Variants in KCNC2 observed in about 807,000 individuals in gnomAD.
KCNC2 encodes voltage-gated potassium channel KCNC2.
Under a neutral mutation model 44.5 loss-of-function variants are expected in KCNC2, and 21 were observed. The observed-to-expected ratio is 0.47, with a 90% CI of 0.33 to 0.68. The LOEUF is 0.68. Ranked by LOEUF, KCNC2 falls within the 30% of genes least tolerant of loss-of-function variation. The pLI is 0.01. For missense variants in KCNC2, 589 were observed against 826.2 expected, an observed-to-expected ratio of 0.71 and a Z score of 3.52; for synonymous variants, 391 against 339.1, an observed-to-expected ratio of 1.15 and a Z score of -1.68.
intron 2 of KCNC2, among the ~76,000 whole-genome samples, chr12:75,147,833 C>T (rs7967446): frequency 0.051 from 7,730 of 152,142 alleles, 573 homozygotes; most frequent in East Asian, 0.28. Flanking sequence ...ATCTAAGGTA[C>T]ACAACAGTTA....
At chr12:75,059,776 T>C (rs1216874445) in intron 2 of KCNC2, among the ~76,000 whole-genome samples, 1 of 152,126 alleles carries the variant, frequency 6.6e-6, no homozygotes, top group Non-Finnish European at 1.5e-5. Flanking sequence ...GCATTTACTA[T>C]GTAAATAAAT....
At chr12:75,088,706 C>A (rs1885228072) in intron 2 of KCNC2, among the ~76,000 whole-genome samples, 1 of 151,960 alleles carries the variant, frequency 6.6e-6, no homozygotes, top group Non-Finnish European at 1.5e-5. Flanking sequence ...CCTTACCATA[C>A]AAAAGTGATA....
At chr12:75,102,966 C>T (rs1348723052) in intron 2 of KCNC2, among the ~76,000 whole-genome samples, 4 of 151,972 alleles carry the variant, frequency 2.6e-5, no homozygotes, top group Admixed American at 2.0e-4. Context: ...CTAATACTTT[C>T]CTCAGAGCAG....
chr12:75,194,357 A>G (rs1398200316), intron 2 of KCNC2, among the ~76,000 whole-genome samples: 1 of 152,174 alleles, frequency 6.6e-6, no homozygotes, highest in African/African-American at 2.4e-5. Flanking sequence ...GCCAAGAAAC[A>G]CAAAGAAACT....
chr12:75,069,401 G>T, intron 2 of KCNC2, among the ~76,000 whole-genome samples: 1 of 151,918 alleles, frequency 6.6e-6, no homozygotes, highest in South Asian at 2.1e-4. Flanking sequence ...CTCCCAAAGT[G>T]CTGGGATTAC....
At chr12:75,146,092 C>T (rs1160530943) in intron 2 of KCNC2, among the ~76,000 whole-genome samples, 1 of 151,754 alleles carries the variant, frequency 6.6e-6, no homozygotes, top group Non-Finnish European at 1.5e-5. Flanking sequence ...GTAGCTGGGA[C>T]TACAGGTGCC....
At chr12:75,201,548 C>T (rs950895480) in intron 2 of KCNC2, among the ~76,000 whole-genome samples, 1 of 151,824 alleles carries the variant, frequency 6.6e-6, no homozygotes, top group Non-Finnish European at 1.5e-5. Flanking sequence ...CAAGTTCACA[C>T]AACTAGTGTT....
intron 2 of KCNC2, among the ~76,000 whole-genome samples, chr12:75,072,130 T>G (rs1433429539): frequency 6.6e-6 from 1 of 152,116 alleles, no homozygotes; most frequent in African/African-American, 2.4e-5. Flanking sequence ...GTTATGGAGC[T>G]AGATGTGAAG....
intron 2 of KCNC2, among the ~76,000 whole-genome samples, chr12:75,199,432 A>G (rs1480780371): frequency 6.6e-6 from 1 of 151,868 alleles, no homozygotes; most frequent in Non-Finnish European, 1.5e-5. Context: ...TGCAGTAATC[A>G]TGGAGTATTT....
intron 2 of KCNC2, among the ~76,000 whole-genome samples, chr12:75,113,215 T>C (rs1288647698): frequency 2.6e-5 from 4 of 152,158 alleles, no homozygotes; most frequent in Non-Finnish European, 5.9e-5. Context: ...GGGTCTATCA[T>C]TTGACAAATG....
At chr12:75,153,632 A>G (rs566253224) in intron 2 of KCNC2, among the ~76,000 whole-genome samples, 71 of 151,308 alleles carry the variant, frequency 4.7e-4, no homozygotes, top group African/African-American at 1.7e-3. Context: ...TAATAATAAT[A>G]ATTTTTAAAT....
intron 2 of KCNC2, among the ~76,000 whole-genome samples, chr12:75,162,610 T>C (rs1400973999): frequency 1.3e-5 from 2 of 151,736 alleles, no homozygotes; most frequent in African/African-American, 4.8e-5. Context: ...TTAAATCACA[T>C]GCAAATTTAA....
rs1255893142 is a variant in KCNC2, at chr12:75,201,293, AAAAAAC to A, written c.687+5998_687+6003del. ...AAAAAAAAAAAAAAAAAAAAAAAAA[AAAAAAC>A]CAGATTCTGGTTTACTTTATTAGTG... On this transcript the variant is annotated intron_variant, in intron 2 of 4. Coordinates refer to ENST00000549446, the MANE Select transcript of KCNC2 (RefSeq NM_139137.4). Among the ~76,000 whole-genome samples, 52 of 63,084 alleles carry A rather than the reference AAAAAAC, an allele frequency of 8.2e-4. 6 individuals carry two copies. Among genetic ancestry groups the A allele is most frequent in the East Asian group, 3.0e-3 (8 of 2,628 alleles). The allele number at this position is 63,084 out of a possible 152,430, so 41.4% of individuals were successfully genotyped here.
At chr12:75,178,082 C>T (rs1892317101) in intron 2 of KCNC2, among the ~76,000 whole-genome samples, 1 of 151,990 alleles carries the variant, frequency 6.6e-6, no homozygotes, top group African/African-American at 2.4e-5. Flanking sequence ...GGTTAATCCT[C>T]TCAACTTGCA....
At position 75,059,546 on chromosome 12, in the gene KCNC2, G is replaced by A. The variant is rs192453303; in HGVS notation, c.688-8229C>T. 3.3e-5 allele frequency among the ~76,000 whole-genome samples: 5 copies of A among 152,032 alleles called. No individual in the cohort carries two copies. In the East Asian group the frequency reaches 9.7e-4, roughly 29 times the overall value. Reference sequence around the variant, plus strand: ...GTGCCACTCTTCTAATTTTATTTTTGTCTCTTTTAAATGATTTTCCTTTCA... The same window carrying A: ...GTGCCACTCTTCTAATTTTATTTTTATCTCTTTTAAATGATTTTCCTTTCA... On this transcript the variant is annotated intron_variant, in intron 2 of 4. Transcript: ENST00000549446.
chr12:75,119,448 GTAATA>G (rs1213175015), intron 2 of KCNC2, among the ~76,000 whole-genome samples: 1 of 152,124 alleles, frequency 6.6e-6, no homozygotes, highest in East Asian at 1.9e-4. Context: ...AAATAACACT[GTAATA>G]TAATATTATA....
chr12:75,167,543 A>G (rs557682245), intron 2 of KCNC2, among the ~76,000 whole-genome samples: 1 of 151,476 alleles, frequency 6.6e-6, no homozygotes, highest in Non-Finnish European at 1.5e-5. Context: ...AAAACTGCAC[A>G]AAGAAAATAA....
chr12:75,047,487 A>G (rs1880659854), intron 4 of KCNC2, among the ~76,000 whole-genome samples: 1 of 152,070 alleles, frequency 6.6e-6, no homozygotes, highest in Non-Finnish European at 1.5e-5. Flanking sequence ...AGGTGTCAGG[A>G]ACAGTTCATG....
At chr12:75,051,463 A>G (rs1881164202) in intron 2 of KCNC2, 146 bp from the exon 3 acceptor site, 1 of 570,206 alleles carries the variant, frequency 1.8e-6, no homozygotes, top group Admixed American at 3.2e-5. Context: ...AAGGAAAAGA[A>G]GATACATGTA....
Sources: gnomAD v4.1 joint callset for allele counts (sites outside exome capture counted in the v4.1 genomes callset) on GRCh38, gnomAD v4.1.1 for gene constraint, MANE v1.5 for transcripts, NCBI Gene and HGNC (gene_info 2026-07-23, HGNC 2026-07-21) for gene names.